Variants in RIMBP2 observed in about 807,000 individuals in gnomAD.
RIMBP2 encodes the protein RIMS-binding protein 2.
A neutral mutation model predicts 118.6 loss-of-function variants in RIMBP2; 48 were observed. The ratio of observed to expected loss-of-function variants is 0.40; its 90% CI spans 0.32 to 0.51. RIMBP2 has a LOEUF of 0.51. Ranked by LOEUF, RIMBP2 falls within the 20% of genes least tolerant of loss-of-function variation. The pLI, the probability that RIMBP2 is intolerant of heterozygous loss-of-function variation, is 0.41. For synonymous variants in RIMBP2, 762 were observed against 742.9 expected (o/e 1.03, Z -0.42); for missense variants, 1,551 against 1,768.3 (o/e 0.88, Z 2.20).
At position 130,523,405 on chromosome 12, in the gene RIMBP2, G is replaced by A. The variant is rs2139174170; in HGVS notation, c.-216-5488C>T. On this transcript the variant is annotated intron_variant, in intron 2 of 22. Transcript: ENST00000690449. This position sits in a 1 kb window ranked among gnomAD's most constrained non-coding sequence, Gnocchi z 4.4. ...TGTCATTTAAGCTGCCCGGTCTGTG[G>A]GATCCTGCTATGGCAGCCTGAGCTA... Among the ~76,000 whole-genome samples, 1 of 152,322 alleles carries A rather than the reference G, an allele frequency of 6.6e-6. No individual in the cohort carries two copies. Among genetic ancestry groups the A allele is most frequent in the East Asian group, 1.9e-4 (1 of 5,176 alleles).
At chr12:130,685,984 A>G (rs2065024922) in intron 1 of RIMBP2, among the ~76,000 whole-genome samples, 1 of 151,692 alleles carries the variant, frequency 6.6e-6, no homozygotes, top group African/African-American at 2.4e-5. Flanking sequence ...CCCCCCGGGG[A>G]GCAGATGCAC....
intron 1 of RIMBP2, among the ~76,000 whole-genome samples, chr12:130,646,654 T>C (rs1294005060): frequency 3.9e-5 from 6 of 152,134 alleles, no homozygotes; most frequent in Non-Finnish European, 8.8e-5. Flanking sequence ...ATTTACCCCA[T>C]TGTCAGGAAA....
intron 12 of RIMBP2, among the ~76,000 whole-genome samples, chr12:130,437,674 T>C (rs985543353): frequency 1.3e-5 from 2 of 152,196 alleles, no homozygotes; most frequent in African/African-American, 4.8e-5. Flanking sequence ...GGCTTCCGAC[T>C]GCTGGGAGAG....
At chr12:130,591,058 A>T (rs1435181213) in intron 2 of RIMBP2, among the ~76,000 whole-genome samples, 1 of 152,202 alleles carries the variant, frequency 6.6e-6, no homozygotes, top group Non-Finnish European at 1.5e-5. Context: ...TCCAGGTCAT[A>T]TCCATAGGGC....
rs7308653 is a variant in RIMBP2 at position 130,622,493 on chromosome 12, T to C, written c.-217+5829A>G. On this transcript the variant is annotated intron_variant, in intron 2 of 22. Coordinates refer to ENST00000690449, the MANE Select transcript of RIMBP2 (RefSeq NM_001393629.1). The surrounding 1 kb of genome is among the most constrained non-coding windows in gnomAD (Gnocchi z 8.5). ...CTACTATTTTTCATATATTTATATA[T>C]AATATATATTTGATAATAGAGATGG... Among the ~76,000 whole-genome samples, 27,892 of 151,850 alleles carry C rather than the reference T, an allele frequency of 0.18. 2,951 individuals carry two copies. Among genetic ancestry groups the C allele is most frequent in the Non-Finnish European group, 0.24 (16,540 of 67,938 alleles).
intron 4 of RIMBP2, among the ~76,000 whole-genome samples, chr12:130,505,241 G>A (rs1167130488): frequency 2.6e-5 from 4 of 152,196 alleles, no homozygotes; most frequent in East Asian, 1.9e-4. Context: ...ATTCAGGGCC[G>A]GTAGTCAGAG....
rs911201702 is a variant in RIMBP2, at chr12:130,399,061, G to A, written c.3900+618C>T. The stretch of plus-strand genomic sequence containing the variant: ...AGCCTTAAGTCTACCACACTGGCCC[G>A]GTTAAGGTAGCTTAAGTTGGTATCT... On this transcript the variant is annotated intron_variant, in intron 22 of 22. Transcript: ENST00000690449. The A allele has an allele frequency of 2.3e-4, 222 of 978,336 alleles. No homozygotes were observed. The East Asian group carries it at 5.4e-3, about 24-fold the overall frequency. The allele number at this position is 978,336 out of a possible 1,614,324, so 60.6% of individuals were successfully genotyped here.
chr12:130,610,551 C>CTTTTTTTT lies in RIMBP2; in HGVS notation c.-217+17763_-217+17770dup, dbSNP rs386378269. 1.7e-3 allele frequency among the ~76,000 whole-genome samples: 142 copies of CTTTTTTTT among 81,558 alleles called. 16 individuals are homozygous for CTTTTTTTT. Among genetic ancestry groups the CTTTTTTTT allele is most frequent in the African/African-American group, 6.1e-3 (131 of 21,572 alleles). The allele number at this position is 81,558 out of a possible 152,430, so 53.5% of individuals were successfully genotyped here. A position where few individuals can be genotyped will look rare whatever the true frequency, so the allele number is the denominator to read the frequency against. On this transcript the variant is annotated intron_variant, in intron 2 of 22. Coordinates refer to ENST00000690449, the MANE Select transcript of RIMBP2 (RefSeq NM_001393629.1). ...GTGACTCATCAAAGTAATTTTCCTGCTTTTTTTTTTTTTTTTTTTTTTTTT... is the reference window on the plus strand; with the variant it reads ...GTGACTCATCAAAGTAATTTTCCTGCTTTTTTTTTTTTTTTTTTTTTTTTTTTTTTTTT...
intron 4 of RIMBP2, among the ~76,000 whole-genome samples, chr12:130,479,390 T>G (rs1055115580): frequency 4.6e-5 from 7 of 152,242 alleles, no homozygotes; most frequent in Admixed American, 3.3e-4. Context: ...AAAGGCTTAT[T>G]GATGCTGCCC....
intron 2 of RIMBP2, among the ~76,000 whole-genome samples, chr12:130,539,761 TCCATG>T: frequency 1.2e-5 from 1 of 83,366 alleles, no homozygotes; most frequent in Non-Finnish European, 2.3e-5. Context: ...GCAAATGCAG[TCCATG>T]AAGTGGCCAG....
At position 130,617,004 on chromosome 12, in the gene RIMBP2, CT is replaced by C. The variant is rs1459525147; in HGVS notation, c.-217+11317del. ...CTGAAGTTGGGGTGCAGGGGCCCCC[CT>C]CCTCCTCTGCAGAGGCCCCCATGTC... On this transcript the variant is annotated intron_variant, in intron 2 of 22. Coordinates refer to ENST00000690449, the MANE Select transcript of RIMBP2 (RefSeq NM_001393629.1). This position sits in a 1 kb window ranked among gnomAD's most constrained non-coding sequence, Gnocchi z 4.6. 6.6e-6 allele frequency among the ~76,000 whole-genome samples: 1 copy of C among 152,110 alleles called. No homozygotes were observed. Among genetic ancestry groups the C allele is most frequent in the Non-Finnish European group, 1.5e-5 (1 of 67,998 alleles).
At chr12:130,597,894 T>A (rs188305069) in intron 2 of RIMBP2, among the ~76,000 whole-genome samples, 3 of 152,172 alleles carry the variant, frequency 2.0e-5, no homozygotes, top group African/African-American at 7.2e-5. Context: ...CAATGCAATA[T>A]GACAAGAATG....
chr12:130,458,138 G>C (rs962287342), intron 6 of RIMBP2, among the ~76,000 whole-genome samples: 4 of 150,266 alleles, frequency 2.7e-5, no homozygotes, highest in African/African-American at 7.3e-5. Flanking sequence ...CAGGCAGCAG[G>C]CTTCTCAGCT....
chr12:130,461,964 G>GC (rs1555258916), intron 6 of RIMBP2, among the ~76,000 whole-genome samples: 2 of 152,146 alleles, frequency 1.3e-5, no homozygotes, highest in Admixed American at 1.3e-4. Context: ...CAATTCACCG[G>GC]AAGTCTCACA....
At chr12:130,497,186 A>T (rs2031551182) in intron 4 of RIMBP2, among the ~76,000 whole-genome samples, 1 of 152,096 alleles carries the variant, frequency 6.6e-6, no homozygotes, top group African/African-American at 2.4e-5. Context: ...CCGCACCTTC[A>T]CCTAGTTACA....
chr12:130,689,711 A>G (rs879763089), intron 1 of RIMBP2, among the ~76,000 whole-genome samples: 6 of 152,110 alleles, frequency 3.9e-5, no homozygotes, highest in Non-Finnish European at 5.9e-5. Flanking sequence ...GATACACAGA[A>G]CCAGTGGAGC....
chr12:130,708,650 C>T (rs778764297), intron 1 of RIMBP2, among the ~76,000 whole-genome samples: 1 of 152,136 alleles, frequency 6.6e-6, no homozygotes, highest in Non-Finnish European at 1.5e-5. Flanking sequence ...TATGCCACTG[C>T]ACTCCAGCCT....
chr12:130,498,115 G>A, intron 4 of RIMBP2, among the ~76,000 whole-genome samples: 1 of 151,752 alleles, frequency 6.6e-6, no homozygotes, highest in African/African-American at 2.4e-5. Context: ...CTCCATGAAG[G>A]CAGCACTGAC....
chr12:130,599,855 A>T lies in RIMBP2; in HGVS notation c.-217+28467T>A, dbSNP rs143696317. 5.3e-5 allele frequency among the ~76,000 whole-genome samples: 8 copies of T among 152,358 alleles called. No individual in the cohort carries two copies. The East Asian group carries it at 1.5e-3, about 29-fold the overall frequency. ...AAATAATTCTTGGGGCCCCCAAATCACTAAGCTAAAGGTAAAAGTCAAGCT... is the reference window on the plus strand; with the variant it reads ...AAATAATTCTTGGGGCCCCCAAATCTCTAAGCTAAAGGTAAAAGTCAAGCT... On this transcript the variant is annotated intron_variant, in intron 2 of 22. Transcript: ENST00000690449.
Sources: allele counts gnomAD v4.1 joint callset (sites outside exome capture counted in the v4.1 genomes callset), GRCh38; gene constraint gnomAD v4.1.1; non-coding constraint Gnocchi (gnomAD v3.1); transcripts MANE v1.5; gene names NCBI Gene and HGNC (gene_info 2026-07-23, HGNC 2026-07-21).